PLCB1: variants seen among roughly 807,000 people sequenced by gnomAD.
The protein encoded by PLCB1 is 1-phosphatidylinositol 4,5-bisphosphate phosphodiesterase beta-1.
In PLCB1, 46 loss-of-function variants were observed where a neutral mutation model predicts 161.8. That is an observed-to-expected ratio of 0.28 (90% confidence interval 0.22 to 0.36). The LOEUF is 0.36. Among genes scored for constraint, PLCB1 ranks in the 10% least tolerant of loss-of-function variants. PLCB1 has a pLI of 1.00. For missense variants in PLCB1, 1,016 were observed against 1,472.5 expected (o/e 0.69, Z 5.07); for synonymous variants, 517 against 503.7 (o/e 1.03, Z -0.35).
intron 2 of PLCB1, among the ~76,000 whole-genome samples, chr20:8,289,785 C>T (rs898217261): frequency 6.6e-6 from 1 of 152,190 alleles, no homozygotes; most frequent in Non-Finnish European, 1.5e-5. Context: ...CAATGGGAGA[C>T]TGTTCCACTG....
chr20:8,618,312 T>A (rs1988086697), intron 3 of PLCB1, among the ~76,000 whole-genome samples: 1 of 152,140 alleles, frequency 6.6e-6, no homozygotes, highest in South Asian at 2.1e-4. Flanking sequence ...TTTTGTAAAA[T>A]TTTTTTAAAA....
chr20:8,282,274 A>C (rs1982909621), intron 2 of PLCB1, among the ~76,000 whole-genome samples: 1 of 152,186 alleles, frequency 6.6e-6, no homozygotes, highest in Non-Finnish European at 1.5e-5. Context: ...GAAGCAATCC[A>C]AAGTGTATAA....
chr20:8,684,805 T>A (rs1453769293), intron 9 of PLCB1, 127 bp from the exon 10 acceptor site: 2 of 613,982 alleles, frequency 3.3e-6, no homozygotes, highest in Admixed American at 5.5e-5. Context: ...TACACTCTTA[T>A]TTATCCATAC....
intron 7 of PLCB1, 112 bp from the exon 8 acceptor site, chr20:8,657,072 G>A: frequency 4.4e-6 from 3 of 685,686 alleles, no homozygotes; most frequent in Non-Finnish European, 7.9e-6. Flanking sequence ...GAGAAGGTGA[G>A]GGAAGGGGGG....
intron 3 of PLCB1, among the ~76,000 whole-genome samples, chr20:8,528,178 G>A (rs1291112946): frequency 1.3e-5 from 2 of 152,020 alleles, no homozygotes; most frequent in African/African-American, 4.8e-5. Context: ...CTATGACTCA[G>A]CAATTCCACT....
Position 8,232,668 on chromosome 20 carries a change from T to C in PLCB1, c.177+82297T>C, listed in dbSNP as rs538217744. Among the ~76,000 whole-genome samples, 5 of 152,312 alleles carry C rather than the reference T, an allele frequency of 3.3e-5. No individual in the cohort carries two copies. The East Asian group carries it at 9.7e-4, about 29-fold the overall frequency. On this transcript the variant is annotated intron_variant, in intron 2 of 31. Coordinates refer to ENST00000338037, the MANE Select transcript of PLCB1 (RefSeq NM_015192.4). ...GTGCATTCTGAAAGTCTGGGCCTTA[T>C]AGTATTTGTGCTTCTTGCTGGGCAC...
intron 9 of PLCB1, among the ~76,000 whole-genome samples, chr20:8,661,665 T>C (rs1006561665): frequency 2.0e-5 from 3 of 151,790 alleles, no homozygotes; most frequent in African/African-American, 7.3e-5. Flanking sequence ...TAAAGGGAGA[T>C]TGTGCCTGTT....
intron 3 of PLCB1, among the ~76,000 whole-genome samples, chr20:8,465,302 A>G (rs1600088823): frequency 6.6e-6 from 1 of 152,318 alleles, no homozygotes; most frequent in Non-Finnish European, 1.5e-5. Context: ...AACTCCCTAC[A>G]AAAGTAGTAT....
At chr20:8,505,253 A>G (rs558134259) in intron 3 of PLCB1, among the ~76,000 whole-genome samples, 165 of 152,282 alleles carry the variant, frequency 1.1e-3, no homozygotes, top group African/African-American at 3.9e-3. Context: ...CTCAACAATG[A>G]TTCTTCCAGG....
intron 2 of PLCB1, among the ~76,000 whole-genome samples, chr20:8,169,469 C>T (rs1471681169): frequency 4.6e-5 from 7 of 152,126 alleles, no homozygotes; most frequent in African/African-American, 1.7e-4. Flanking sequence ...CTGATAGGTG[C>T]TTCACAACTG....
At chr20:8,443,002 T>C (rs1980636265) in intron 3 of PLCB1, among the ~76,000 whole-genome samples, 7 of 150,140 alleles carry the variant, frequency 4.7e-5, no homozygotes, top group Admixed American at 4.7e-4. Flanking sequence ...TTTTTTGAGA[T>C]GGAGTCTCGT....
chr20:8,743,409 A>G (rs1980985285), intron 23 of PLCB1, among the ~76,000 whole-genome samples: 1 of 152,122 alleles, frequency 6.6e-6, no homozygotes, highest in South Asian at 2.1e-4. Context: ...GATAAATCCC[A>G]CTTGGGAGAA....
intron 3 of PLCB1, among the ~76,000 whole-genome samples, chr20:8,606,727 GTTTAT>G (rs1485474875): frequency 1.3e-5 from 2 of 152,104 alleles, no homozygotes; most frequent in African/African-American, 4.8e-5. Flanking sequence ...TTCTGCATCT[GTTTAT>G]TTTATTACTA....
intron 3 of PLCB1, among the ~76,000 whole-genome samples, chr20:8,588,984 C>G (rs1282678579): frequency 6.6e-6 from 1 of 152,154 alleles, no homozygotes; most frequent in East Asian, 1.9e-4. Flanking sequence ...ACAAGACAAC[C>G]CACATTGGGC....
chr20:8,483,678 G>A (rs146501119), intron 3 of PLCB1, among the ~76,000 whole-genome samples: 1,939 of 152,032 alleles, frequency 0.013, 17 homozygotes, highest in South Asian at 0.032. Context: ...ACAATGCTGC[G>A]TAATTCTGGC....
chr20:8,135,604 G>A (rs532793098), intron 1 of PLCB1, among the ~76,000 whole-genome samples: 80 of 152,170 alleles, frequency 5.3e-4, no homozygotes, highest in Non-Finnish European at 8.8e-4. Flanking sequence ...GGGGAGGTCT[G>A]GGAGTCCCCA....
chr20:8,861,133 A>G (rs1033779833), intron 31 of PLCB1, among the ~76,000 whole-genome samples: 63 of 152,348 alleles, frequency 4.1e-4, no homozygotes, highest in African/African-American at 1.4e-3. Flanking sequence ...ATTTTAATCT[A>G]AAAGGCTATG....
chr20:8,290,294 T>A (rs1322905131), intron 2 of PLCB1, among the ~76,000 whole-genome samples: 2 of 152,174 alleles, frequency 1.3e-5, no homozygotes, highest in East Asian at 3.9e-4. Context: ...GGACTCTGAA[T>A]GCAAGTAGTT....
rs1474129969 is a variant in PLCB1, at chr20:8,276,926, T to TTTCTTCTTCCTCTTC, written c.178-94447_178-94446insCTCTTCTTCTTCTTC. Among the ~76,000 whole-genome samples the TTTCTTCTTCCTCTTC allele has an allele frequency of 6.0e-4, 63 of 104,816 alleles. 1 individual carries two copies. Among genetic ancestry groups the TTTCTTCTTCCTCTTC allele is most frequent in the African/African-American group, 2.1e-3 (58 of 27,730 alleles). 68.8% of individuals were successfully genotyped at this position (104,816 alleles called of 152,430 possible). On this transcript the variant is annotated intron_variant, in intron 2 of 31. Coordinates refer to ENST00000338037, the MANE Select transcript of PLCB1 (RefSeq NM_015192.4). ...TTGGGTAGCTTCTTCGTCTTCTTCT[T>TTTCTTCTTCCTCTTC]TTCTTCTTCTTCTTCTTCTTCTTCT...
Sources: gnomAD v4.1 joint callset for allele counts (sites outside exome capture counted in the v4.1 genomes callset) on GRCh38, gnomAD v4.1.1 for gene constraint, MANE v1.5 for transcripts, NCBI Gene and HGNC (gene_info 2026-07-23, HGNC 2026-07-21) for gene names.